The following RNF20 variants were observed in gnomAD, a reference collection of about 807,000 sequenced individuals.
The protein encoded by RNF20 is E3 ubiquitin-protein ligase BRE1A.
RNF20 carries 84 observed loss-of-function variants against 126.2 expected under a neutral mutation model. The ratio of observed to expected loss-of-function variants is 0.67; its 90% CI spans 0.56 to 0.80. RNF20 has a LOEUF of 0.80. RNF20 is among the 30% of genes least tolerant of loss of function. The pLI, the probability that RNF20 is intolerant of heterozygous loss-of-function variation, is 0.00. For missense variants in RNF20, 869 were observed against 1,188.2 expected, an observed-to-expected ratio of 0.73 and a Z score of 3.95; for synonymous variants, 400 against 414.3, an observed-to-expected ratio of 0.97 and a Z score of 0.42.
At chr9:101,539,031 A>G (rs1827222854) in intron 2 of RNF20, among the ~76,000 whole-genome samples, 1 of 152,134 alleles carries the variant, frequency 6.6e-6, no homozygotes, top group African/African-American at 2.4e-5. Context: ...AGGTTTTAAG[A>G]ATGTGTGCAT....
intron 2 of RNF20, among the ~76,000 whole-genome samples, chr9:101,536,178 AT>A (rs1208855382): frequency 6.6e-6 from 1 of 152,228 alleles, no homozygotes; most frequent in Non-Finnish European, 1.5e-5. Flanking sequence ...TAACATAGAT[AT>A]TATCCTTGCT....
intron 10 of RNF20, among the ~76,000 whole-genome samples, 190 bp downstream of exon 10, chr9:101,550,975 T>C (rs1036919685): frequency 2.6e-5 from 4 of 152,208 alleles, no homozygotes; most frequent in African/African-American, 9.7e-5. Context: ...ACAGATCTTG[T>C]AGTCTGCAGT....
chr9:101,543,808 A>G (rs1827301763), intron 5 of RNF20, among the ~76,000 whole-genome samples: 1 of 152,230 alleles, frequency 6.6e-6, no homozygotes, highest in South Asian at 2.1e-4. Context: ...GAATCAGAAT[A>G]ACCTTGGGAG....
chr9:101,551,965 T>A lies in RNF20; in HGVS notation c.1408+146T>A, dbSNP rs1391308506. The A allele has an allele frequency of 8.5e-6, 11 of 1,290,212 alleles. No homozygotes were observed. In the African/African-American group the frequency reaches 1.3e-4, roughly 16 times the overall value. The allele number at this position is 1,290,212 out of a possible 1,614,324, so 79.9% of individuals were successfully genotyped here. On this transcript the variant is annotated intron_variant, in intron 11 of 19. Transcript: ENST00000389120. Reference sequence around the variant, plus strand: ...CTATAATTCATTTTGGTTCACAGCCTGGATGTTTGTTTTTTAACTCAAGTT... The same window carrying A: ...CTATAATTCATTTTGGTTCACAGCCAGGATGTTTGTTTTTTAACTCAAGTT...
At chr9:101,553,079 A>C (rs143015883) in intron 13 of RNF20, among the ~76,000 whole-genome samples, 5 of 152,344 alleles carry the variant, frequency 3.3e-5, no homozygotes, top group African/African-American at 1.2e-4. Flanking sequence ...GGATTTGAGC[A>C]GATTGCTGGC....
chr9:101,545,482 T>C (rs1827333238), intron 6 of RNF20, among the ~76,000 whole-genome samples: 1 of 152,170 alleles, frequency 6.6e-6, no homozygotes, highest in African/African-American at 2.4e-5. Flanking sequence ...AAGAAACAAA[T>C]TCAAAGAGGT....
At position 101,561,987 on chromosome 9, in the gene RNF20, G is replaced by A. The variant is rs775764412; in HGVS notation, c.2727G>A (p.Leu909=). Residue 909 remains leucine, a synonymous_variant, in exon 19 of 20, where the codon CTG becomes CTA. Transcript: ENST00000389120. ...PDNVPKCDEI[L]MEEIKDYKAR... The stretch of plus-strand genomic sequence containing the variant: ...ATGTACCCAAGTGTGATGAGATTCT[G>A]ATGGAAGAGATTAAGGATTACAAGG... 4 of 1,610,550 alleles carry A rather than the reference G, an allele frequency of 2.5e-6. No individual in the cohort carries two copies. Among genetic ancestry groups the A allele is most frequent in the Non-Finnish European group, 8.5e-7 (1 of 1,178,730 alleles).
Position 101,552,677 on chromosome 9 carries a change from G to A in RNF20, c.1825G>A (p.Asp609Asn). Residue 609 changes from aspartate to asparagine, a missense_variant, in exon 13 of 20, where the codon GAT (aspartate) becomes AAT (asparagine). This residue lies in a region of RNF20 where 231 missense variants were observed against 263.6 expected (regional missense o/e 0.88). Coordinates refer to ENST00000389120, the MANE Select transcript of RNF20 (RefSeq NM_019592.7). ...ESEKERDSAK[D>N]KEKGKHDDGR... ...AGAAAAAGAGAGAGATTCTGCTAAGGATAAAGAGAAAGGCAAACATGATGA... is the reference window on the plus strand; with the variant it reads ...AGAAAAAGAGAGAGATTCTGCTAAGAATAAAGAGAAAGGCAAACATGATGA... The A allele has an allele frequency of 6.5e-7, 1 of 1,543,656 alleles. No homozygotes were observed. Among genetic ancestry groups the A allele is most frequent in the Non-Finnish European group, 9.0e-7 (1 of 1,116,082 alleles).
chr9:101,539,247 G>A (rs1827225477), intron 2 of RNF20, among the ~76,000 whole-genome samples: 1 of 152,120 alleles, frequency 6.6e-6, no homozygotes, highest in South Asian at 2.1e-4. Flanking sequence ...AATCTGTTTA[G>A]GCTAAGAATT....
At chr9:101,556,029 CTCTT>C (rs1827526690) in intron 15 of RNF20, among the ~76,000 whole-genome samples, 1 of 149,848 alleles carries the variant, frequency 6.7e-6, no homozygotes, top group African/African-American at 2.4e-5. Flanking sequence ...TCTTCCCTCT[CTCTT>C]AAGGTAATTA....
At chr9:101,553,259 G>C (rs1373744665) in intron 13 of RNF20, among the ~76,000 whole-genome samples, 5 of 152,088 alleles carry the variant, frequency 3.3e-5, no homozygotes, top group African/African-American at 9.7e-5. Flanking sequence ...TTAACTTGTT[G>C]AATTTTTCTG....
rs1348209934 is a variant in RNF20 at position 101,535,513 on chromosome 9, C to T, written c.90C>T (p.Thr30=). The change falls in exon 2 of 20, where the codon ACC becomes ACT. Residue 30 remains threonine, a synonymous_variant. Transcript: ENST00000389120. ...EKKAAVEDSG[T]TVETIKLGGV... Reference sequence around the variant, plus strand: ...AGGCAGCTGTTGAAGATTCAGGGACCACAGTGGAAACAATTAAGCTAGGAG... The same window carrying T: ...AGGCAGCTGTTGAAGATTCAGGGACTACAGTGGAAACAATTAAGCTAGGAG... The T allele has an allele frequency of 1.9e-6, 3 of 1,613,716 alleles. No individual in the cohort carries two copies. The highest frequency in any genetic ancestry group is 1.7e-6 in the Non-Finnish European group (2 of 1,179,784).
At chr9:101,538,107 GGA>G (rs1428001485) in intron 2 of RNF20, among the ~76,000 whole-genome samples, 1 of 152,184 alleles carries the variant, frequency 6.6e-6, no homozygotes, top group Non-Finnish European at 1.5e-5. Context: ...TAAGGAAACT[GGA>G]GAGAGTGAGC....
At chr9:101,550,139 TAAA>T (rs1378729908) in intron 9 of RNF20, among the ~76,000 whole-genome samples, 1 of 152,070 alleles carries the variant, frequency 6.6e-6, no homozygotes, top group Non-Finnish European at 1.5e-5. Context: ...AACTGAAAAA[TAAA>T]AAACAAAAAC....
chr9:101,558,563 C>T lies in RNF20; in HGVS notation c.2382+967C>T, dbSNP rs1299846631. On this transcript the variant is annotated intron_variant, in intron 16 of 19. Coordinates refer to ENST00000389120, the MANE Select transcript of RNF20 (RefSeq NM_019592.7). ...TCCCTTTTCATCACATCCATGCCAA[C>T]ACCTATTATTTTTTGATTTTTTGAT... 2.6e-5 allele frequency among the ~76,000 whole-genome samples: 4 copies of T among 152,178 alleles called. No individual in the cohort carries two copies. In the South Asian group the frequency reaches 8.3e-4, roughly 32 times the overall value.
intron 10 of RNF20, among the ~76,000 whole-genome samples, 195 bp from the exon 11 acceptor site, chr9:101,551,489 T>C (rs1196933407): frequency 2.0e-5 from 3 of 152,200 alleles, no homozygotes; most frequent in Non-Finnish European, 4.4e-5. Flanking sequence ...TCCAACTAAA[T>C]TCTAATATTC....
chr9:101,545,772 C>A (rs995026871), intron 6 of RNF20, among the ~76,000 whole-genome samples: 1 of 152,170 alleles, frequency 6.6e-6, no homozygotes, highest in African/African-American at 2.4e-5. Flanking sequence ...AAGACATTGA[C>A]TAGGTGCTAC....
At chr9:101,561,306 C>A in intron 18 of RNF20, 76 bp downstream of exon 18, 2 of 1,437,718 alleles carry the variant, frequency 1.4e-6, no homozygotes, top group Non-Finnish European at 1.9e-6. Flanking sequence ...ATGAAAGAAT[C>A]ATTAGTCCAA....
At position 101,541,034 on chromosome 9, in the gene RNF20, A is replaced by T. The variant is rs1408518954; in HGVS notation, c.628+59A>T. The T allele has an allele frequency of 3.3e-5, 46 of 1,375,684 alleles. No individual in the cohort carries two copies. In the East Asian group the frequency reaches 9.3e-4, roughly 28 times the overall value. The allele number at this position is 1,375,684 out of a possible 1,614,324, so 85.2% of individuals were successfully genotyped here. On this transcript the variant is annotated intron_variant, in intron 5 of 19. Coordinates refer to ENST00000389120, the MANE Select transcript of RNF20 (RefSeq NM_019592.7). ...AGGAGGAATAAGAATTCATTTTTGC[A>T]TGCTAATTTGTAGTTTGCAAGCTTA...
Sources: gnomAD v4.1 joint callset for allele counts (sites outside exome capture counted in the v4.1 genomes callset) on GRCh38, gnomAD v4.1.1 for gene constraint, gnomAD v4.1.1 regional missense constraint, MANE v1.5 for transcripts, NCBI Gene and HGNC (gene_info 2026-07-23, HGNC 2026-07-21) for gene names.